KANSL2: variants seen among roughly 807,000 people sequenced by gnomAD.
KANSL2 encodes the protein KAT8 regulatory NSL complex subunit 2.
Under a neutral mutation model 55.6 loss-of-function variants are expected in KANSL2, and 34 were observed. The observed-to-expected ratio is 0.61, with a 90% confidence interval of 0.46 to 0.81. KANSL2 has a LOEUF of 0.81. Ranked by LOEUF, KANSL2 falls within the 40% of genes least tolerant of loss-of-function variation. The pLI, the probability that KANSL2 is intolerant of heterozygous loss-of-function variation, is 0.00. For missense variants in KANSL2, 502 were observed against 609.9 expected (o/e 0.82, Z 1.86); for synonymous variants, 209 against 214.3 (o/e 0.98, Z 0.22).
intron 8 of KANSL2, 52 bp from the exon 9 acceptor site, chr12:48,655,112 G>A: frequency 6.5e-7 from 1 of 1,534,436 alleles, no homozygotes; most frequent in South Asian, 1.2e-5. Context: ...CAGTAATAAA[G>A]TTGGCATGTT....
chr12:48,674,286 G>A (rs1292173554), intron 4 of KANSL2, among the ~76,000 whole-genome samples: 2 of 152,052 alleles, frequency 1.3e-5, no homozygotes, highest in Non-Finnish European at 2.9e-5. Context: ...GATTGCAGGC[G>A]TGTGCCACCA....
rs1365191310 is a variant in KANSL2 at position 48,660,476 on chromosome 12, G to A, written c.1117C>T (p.Pro373Ser). 1.2e-5 allele frequency: 19 copies of A among 1,613,744 alleles called. No individual in the cohort carries two copies. Among genetic ancestry groups the A allele is most frequent in the Non-Finnish European group, 1.6e-5 (19 of 1,179,870 alleles). The part of the protein sequence containing the change: ...HFQLPPQMYK[P>S]EQVLSVPDDL... ...TCTGGCACAGACAGTACCTGCTCGG[G>A]CTTATACATCTGAGGAGGCAACTGG... Residue 373 changes from proline to serine, a missense_variant, in exon 8 of 10, where the codon CCC becomes TCC. By Grantham distance (74) the Pro-to-Ser change is moderately conservative (BLOSUM62 -1). Transcript: ENST00000420613.
chr12:48,661,801 T>C (rs1249313040), intron 7 of KANSL2, among the ~76,000 whole-genome samples: 1 of 152,178 alleles, frequency 6.6e-6, no homozygotes, highest in Non-Finnish European at 1.5e-5. Flanking sequence ...GAAGGATGTA[T>C]AGCAGCATTC....
At chr12:48,654,872 C>G in intron 9 of KANSL2, 69 bp downstream of exon 9, 1 of 1,513,554 alleles carries the variant, frequency 6.6e-7, no homozygotes, top group South Asian at 1.2e-5. Flanking sequence ...CACATGCTAT[C>G]TAGCAGGGAA....
At chr12:48,667,845 C>A in intron 6 of KANSL2, 56 bp from the exon 7 acceptor site, 2 of 1,243,476 alleles carry the variant, frequency 1.6e-6, no homozygotes, top group Non-Finnish European at 2.4e-6. Context: ...CAAACAATTA[C>A]GATGAAAATA....
intron 1 of KANSL2, 99 bp downstream of exon 1, chr12:48,682,088 G>T: frequency 1.4e-6 from 1 of 703,046 alleles, no homozygotes; most frequent in Non-Finnish European, 2.6e-6. Context: ...GACTGACTCT[G>T]ACACTGCTTT....
Position 48,654,080 on chromosome 12 carries a change from A to G in KANSL2, c.1443T>C (p.Thr481=). The change falls in exon 10 of 10, where the codon ACT becomes ACC. Residue 481 remains threonine, a synonymous_variant. Transcript: ENST00000420613. The stretch of plus-strand genomic sequence containing the variant: ...AAGTGGGTTCTGGCTTCCCATTTGC[A>G]GTAGCCAATCCACTCTGAGACAATG... The part of the protein sequence containing the change: ...SAPLSQSGLA[T]ANGKPEPTSI... 6.2e-7 allele frequency: 1 copy of G among 1,610,204 alleles called. No homozygotes were observed. The highest frequency in any genetic ancestry group is 8.5e-7 in the Non-Finnish European group (1 of 1,178,414).
chr12:48,655,002 G>A lies in KANSL2; in HGVS notation c.1286C>T (p.Pro429Leu), dbSNP rs773275463. The A allele has an allele frequency of 1.3e-6, 2 of 1,587,046 alleles. No homozygotes were observed. The highest frequency in any genetic ancestry group is 1.7e-6 in the Non-Finnish European group (2 of 1,166,330). ...QCPPSPLLFD[P>L]SLTLEDHLVK... ...TAAATGATCTTCAAGGGTTAGTGAA[G>A]GATCAAAAAGCAAAGGTGAAGGAGG... Residue 429 changes from proline to leucine, a missense_variant, in exon 9 of 10, where the codon CCT (proline) becomes CTT (leucine). Transcript: ENST00000420613.
chr12:48,661,078 G>A (rs1939478156), intron 7 of KANSL2: 2 of 257,434 alleles, frequency 7.8e-6, no homozygotes, highest in Admixed American at 6.0e-5. Context: ...CTTGGACCTC[G>A]TTTCCAAAGA....
Position 48,672,434 on chromosome 12 carries a change from T to TATA in KANSL2, c.546-473_546-472insTAT, listed in dbSNP as rs71080136. Reference sequence around the variant, plus strand: ...GTATATATATATATATATATATATATTTTTTTTTTGAGATAAGGTCTCACT... The same window carrying TATA: ...GTATATATATATATATATATATATATATATTTTTTTTTGAGATAAGGTCTCACT... On this transcript the variant is annotated intron_variant, in intron 4 of 9. Transcript: ENST00000420613. Among the ~76,000 whole-genome samples the TATA allele has an allele frequency of 6.5e-4, 64 of 98,024 alleles. 1 individual carries two copies. In the South Asian group the frequency reaches 0.018, roughly 28 times the overall value. The allele number at this position is 98,024 out of a possible 152,430, so 64.3% of individuals were successfully genotyped here. A position where few individuals can be genotyped will look rare whatever the true frequency, so the allele number is the denominator to read the frequency against.
chr12:48,679,643 G>T lies in KANSL2; in HGVS notation c.430+12C>A, dbSNP rs141415801. On this transcript the variant is annotated intron_variant, in intron 3 of 9. Transcript: ENST00000420613. ...CTTCCTCCTTTTTCATTCCAGGAGAGAAGGTCCTTACCTAGTATTCGGCTG... is the reference window on the plus strand; with the variant it reads ...CTTCCTCCTTTTTCATTCCAGGAGATAAGGTCCTTACCTAGTATTCGGCTG... 0.017 allele frequency: 27,498 copies of T among 1,610,122 alleles called. 320 individuals are homozygous for T. Among genetic ancestry groups the T allele is most frequent in the Non-Finnish European group, 0.021 (24,541 of 1,177,504 alleles).
At chr12:48,657,789 G>T (rs1939414386) in intron 8 of KANSL2, among the ~76,000 whole-genome samples, 2 of 151,998 alleles carry the variant, frequency 1.3e-5, no homozygotes, top group Non-Finnish European at 2.9e-5. Flanking sequence ...GCTAATTGTT[G>T]TATTTTTGGT....
At chr12:48,673,389 G>A (rs1206811150) in intron 4 of KANSL2, among the ~76,000 whole-genome samples, 3 of 151,170 alleles carry the variant, frequency 2.0e-5, no homozygotes, top group Admixed American at 6.6e-5. Flanking sequence ...GCGAAACCCC[G>A]TCTCTACTGA....
intron 6 of KANSL2, among the ~76,000 whole-genome samples, 172 bp downstream of exon 6, chr12:48,668,934 G>T (rs1465129754): frequency 6.6e-6 from 1 of 152,136 alleles, no homozygotes; most frequent in African/African-American, 2.4e-5. Flanking sequence ...TACTCGGGAG[G>T]CTGAGGCAGG....
intron 2 of KANSL2, chr12:48,681,118 TAAAAAAAAA>T (rs1057233108): frequency 1.4e-4 from 18 of 131,364 alleles, no homozygotes; most frequent in Admixed American, 8.7e-4. Context: ...CCATCTCTCT[TAAAAAAAAA>T]AAAAAAAAAA....
chr12:48,676,870 C>T (rs1939831264), intron 4 of KANSL2, among the ~76,000 whole-genome samples: 1 of 152,060 alleles, frequency 6.6e-6, no homozygotes, highest in South Asian at 2.1e-4. Context: ...CTTTGTGTAA[C>T]AAGCAATTGA....
intron 7 of KANSL2, among the ~76,000 whole-genome samples, chr12:48,666,956 G>C (rs1592102647): frequency 6.6e-6 from 1 of 150,982 alleles, no homozygotes. Flanking sequence ...CAAGGCGGGT[G>C]GATCACCTGA....
intron 8 of KANSL2, among the ~76,000 whole-genome samples, chr12:48,655,627 T>C (rs1326939544): frequency 2.0e-5 from 3 of 151,018 alleles, no homozygotes; most frequent in South Asian, 2.1e-4. Context: ...CGGAGAATAG[T>C]AGGGAACAGG....
In KANSL2 at chr12:48,678,221, G is replaced by A. The variant is rs1010883882; in HGVS notation, c.545+815C>T. On this transcript the variant is annotated intron_variant, in intron 4 of 9. Transcript: ENST00000420613. ...ACAAAGTGTTAAGACACAGAAGTCA[G>A]CAGGCAAACATTTTTAAAAACTACA... Among the ~76,000 whole-genome samples, 3 of 152,286 alleles carry A rather than the reference G, an allele frequency of 2.0e-5. No homozygotes were observed. The South Asian group carries it at 6.2e-4, about 32-fold the overall frequency.
Sources: gnomAD v4.1 joint callset for allele counts (sites outside exome capture counted in the v4.1 genomes callset) on GRCh38, gnomAD v4.1.1 for gene constraint, MANE v1.5 for transcripts, NCBI Gene and HGNC (gene_info 2026-07-23, HGNC 2026-07-21) for gene names.